KCNT2: variants seen among roughly 807,000 people sequenced by gnomAD.
KCNT2 encodes the protein potassium channel subfamily T member 2.
In KCNT2, 67 loss-of-function variants were observed where a neutral mutation model predicts 153.8. The ratio of observed to expected loss-of-function variants is 0.44; its 90% CI spans 0.36 to 0.53. The LOEUF is 0.53. Ranked by LOEUF, KCNT2 falls within the 20% of genes least tolerant of loss-of-function variation. KCNT2 has a pLI of 0.00. For synonymous variants in KCNT2, 500 were observed against 458.8 expected, an observed-to-expected ratio of 1.09 and a Z score of -1.15; for missense variants, 975 against 1,354.8, an observed-to-expected ratio of 0.72 and a Z score of 4.40.
chr1:196,339,278 C>T (rs1254265298), intron 16 of KCNT2, among the ~76,000 whole-genome samples: 1 of 152,016 alleles, frequency 6.6e-6, no homozygotes, highest in Non-Finnish European at 1.5e-5. Context: ...ACTGTGAAGA[C>T]AATCATTTTA....
chr1:196,237,121 C>A (rs1238944452), intron 26 of KCNT2, among the ~76,000 whole-genome samples: 1 of 151,632 alleles, frequency 6.6e-6, no homozygotes, highest in African/African-American at 2.4e-5. Context: ...GTATTTAGTG[C>A]ATACTCAAAT....
At chr1:196,327,450 A>C in intron 18 of KCNT2, among the ~76,000 whole-genome samples, 1 of 152,122 alleles carries the variant, frequency 6.6e-6, no homozygotes, top group Non-Finnish European at 1.5e-5. Context: ...ACCAAAACTC[A>C]TCGTTGGGCT....
chr1:196,447,716 A>ATGCTCCATT (rs1675814187), intron 8 of KCNT2, among the ~76,000 whole-genome samples: 1 of 151,402 alleles, frequency 6.6e-6, no homozygotes, highest in Non-Finnish European at 1.5e-5. Context: ...CACTTCTTTT[A>ATGCTCCATT]AGGGATAGGG....
intron 1 of KCNT2, among the ~76,000 whole-genome samples, chr1:196,504,754 T>C (rs1455044776): frequency 1.3e-5 from 2 of 152,306 alleles, no homozygotes; most frequent in East Asian, 1.9e-4. Context: ...CTGTTGTTTC[T>C]TGACTTTTTA....
chr1:196,296,864 T>G (rs1473674918), intron 22 of KCNT2, among the ~76,000 whole-genome samples: 1 of 152,060 alleles, frequency 6.6e-6, no homozygotes, highest in African/African-American at 2.4e-5. Context: ...GAGTAGTGCC[T>G]TGCAGACTAG....
intron 25 of KCNT2, among the ~76,000 whole-genome samples, chr1:196,273,834 A>G (rs1658301889): frequency 6.6e-6 from 1 of 151,700 alleles, no homozygotes; most frequent in Admixed American, 6.6e-5. Flanking sequence ...GCCATAATCC[A>G]GGGTAACACA....
chr1:196,563,707 C>G (rs1266888112), intron 1 of KCNT2, among the ~76,000 whole-genome samples: 1 of 151,796 alleles, frequency 6.6e-6, no homozygotes, highest in Non-Finnish European at 1.5e-5. Flanking sequence ...AACAATTATT[C>G]AACATATGCA....
intron 13 of KCNT2, among the ~76,000 whole-genome samples, chr1:196,387,962 T>C (rs755627261): frequency 6.6e-6 from 1 of 151,550 alleles, no homozygotes; most frequent in Non-Finnish European, 1.5e-5. Context: ...GTTTGTGGTT[T>C]TCGTGTGTCT....
chr1:196,467,813 G>T, intron 6 of KCNT2, 27 bp from the exon 7 acceptor site: 3 of 1,422,534 alleles, frequency 2.1e-6, no homozygotes, highest in South Asian at 1.2e-5. Flanking sequence ...AACAAAACTA[G>T]ACTTTTATCT....
At chr1:196,450,906 G>T (rs1419098657) in intron 8 of KCNT2, among the ~76,000 whole-genome samples, 1 of 151,760 alleles carries the variant, frequency 6.6e-6, no homozygotes, top group Non-Finnish European at 1.5e-5. Context: ...CATATGCATG[G>T]TTTATTTGAA....
chr1:196,378,949 T>C (rs997760126), intron 13 of KCNT2, among the ~76,000 whole-genome samples: 6 of 150,848 alleles, frequency 4.0e-5, no homozygotes, highest in Non-Finnish European at 7.4e-5. Context: ...ACGCTCTTAT[T>C]CCCCCCACCC....
chr1:196,585,900 T>C lies in KCNT2; in HGVS notation c.95+22315A>G, dbSNP rs1308216190. Among the ~76,000 whole-genome samples, 3 of 152,210 alleles carry C rather than the reference T, an allele frequency of 2.0e-5. No homozygotes were observed. In the East Asian group the frequency reaches 5.8e-4, roughly 29 times the overall value. On this transcript the variant is annotated intron_variant, in intron 1 of 27. Transcript: ENST00000294725. ...TTACATTTTATAGAGGCAATAAACA[T>C]AAATGAAACTTTTTTTATTAAATGC...
At chr1:196,373,396 C>G (rs933339424) in intron 13 of KCNT2, 148 bp from the exon 14 acceptor site, 1 of 574,838 alleles carries the variant, frequency 1.7e-6, no homozygotes, top group Non-Finnish European at 3.1e-6. Context: ...ATTTTATCCC[C>G]AGGAAATATA....
intron 23 of KCNT2, among the ~76,000 whole-genome samples, chr1:196,283,374 G>A (rs1454219149): frequency 3.9e-5 from 6 of 152,034 alleles, no homozygotes; most frequent in African/African-American, 1.4e-4. Context: ...GGCAGAGCTT[G>A]CAGTGAGCCA....
At chr1:196,494,424 G>C (rs1382687188) in intron 1 of KCNT2, among the ~76,000 whole-genome samples, 1 of 152,060 alleles carries the variant, frequency 6.6e-6, no homozygotes, top group Non-Finnish European at 1.5e-5. Flanking sequence ...TTTGGTGACG[G>C]AGTCTGGCTC....
At chr1:196,597,188 C>CA (rs933634702) in intron 1 of KCNT2, among the ~76,000 whole-genome samples, 2 of 151,924 alleles carry the variant, frequency 1.3e-5, no homozygotes, top group African/African-American at 4.8e-5. Context: ...CTATTGACTA[C>CA]ATTTACATAT....
intron 1 of KCNT2, among the ~76,000 whole-genome samples, chr1:196,505,900 A>G (rs1681096848): frequency 6.6e-6 from 1 of 152,148 alleles, no homozygotes; most frequent in Non-Finnish European, 1.5e-5. Flanking sequence ...TTATTGGTGT[A>G]TAAGAATGCT....
intron 1 of KCNT2, among the ~76,000 whole-genome samples, chr1:196,583,511 T>C (rs1662306897): frequency 6.6e-6 from 1 of 152,030 alleles, no homozygotes. Context: ...TTACATTTAT[T>C]GAAGTTTAAA....
Position 196,423,308 on chromosome 1 carries a change from A to G in KCNT2, c.1122-195T>C, listed in dbSNP as rs573490569. Among the ~76,000 whole-genome samples, 5 of 152,008 alleles carry G rather than the reference A, an allele frequency of 3.3e-5. No individual in the cohort carries two copies. In the East Asian group the frequency reaches 9.7e-4, roughly 29 times the overall value. On this transcript the variant is annotated intron_variant, in intron 11 of 27. Coordinates refer to ENST00000294725, the MANE Select transcript of KCNT2 (RefSeq NM_198503.5). ...GATTTTGAACAAAAAAAAATTTGCTATTGGGTTGTCTATTATAACTTAATG... is the reference window on the plus strand; with the variant it reads ...GATTTTGAACAAAAAAAAATTTGCTGTTGGGTTGTCTATTATAACTTAATG...
Sources: allele counts gnomAD v4.1 joint callset (sites outside exome capture counted in the v4.1 genomes callset), GRCh38; gene constraint gnomAD v4.1.1; transcripts MANE v1.5; gene names NCBI Gene and HGNC (gene_info 2026-07-23, HGNC 2026-07-21).